Variants in FRYL observed in about 807,000 individuals in gnomAD.
FRYL encodes the protein protein furry homolog-like.
Under a neutral mutation model 351.2 loss-of-function variants are expected in FRYL, and 150 were observed. The ratio of observed to expected loss-of-function variants is 0.43; its 90% CI spans 0.37 to 0.49. The LOEUF is 0.49. Ranked by LOEUF, FRYL falls within the 20% of genes least tolerant of loss-of-function variation. The pLI is 0.00. For missense variants in FRYL, 3,036 were observed against 3,619.3 expected, an observed-to-expected ratio of 0.84 and a Z score of 4.13; for synonymous variants, 1,153 against 1,257.1, an observed-to-expected ratio of 0.92 and a Z score of 1.75.
At chr4:48,635,276 TCTCTGGTAC>T (rs1753995742) in intron 3 of FRYL, among the ~76,000 whole-genome samples, 1 of 152,142 alleles carries the variant, frequency 6.6e-6, no homozygotes, top group Non-Finnish European at 1.5e-5. Flanking sequence ...TATAAAAATC[TCTCTGGTAC>T]CTCTGGAGAA....
intron 3 of FRYL, among the ~76,000 whole-genome samples, chr4:48,659,918 G>GAGAAGA (rs1249228163): frequency 0.063 from 50 of 794 alleles, 18 homozygotes; most frequent in African/African-American, 0.086. Flanking sequence ...GAAGGAGAAG[G>GAGAAGA]AGAAGAAGAA....
intron 3 of FRYL, among the ~76,000 whole-genome samples, chr4:48,656,652 T>C (rs1759255795): frequency 6.9e-6 from 1 of 145,870 alleles, no homozygotes; most frequent in South Asian, 2.1e-4. Flanking sequence ...ATATATGCAT[T>C]ATATATAATG....
chr4:48,715,130 A>C (rs528279163), intron 1 of FRYL, among the ~76,000 whole-genome samples: 1 of 152,228 alleles, frequency 6.6e-6, no homozygotes, highest in Non-Finnish European at 1.5e-5. Flanking sequence ...TCTCAAAATA[A>C]TAAGAGCTAT....
chr4:48,671,004 A>G (rs1762567520), intron 3 of FRYL, among the ~76,000 whole-genome samples: 1 of 152,136 alleles, frequency 6.6e-6, no homozygotes, highest in African/African-American at 2.4e-5. Context: ...CTCTATTTTT[A>G]GATTTCTGAG....
chr4:48,771,644 A>G (rs916380934), intron 1 of FRYL, among the ~76,000 whole-genome samples: 4 of 152,218 alleles, frequency 2.6e-5, no homozygotes, highest in African/African-American at 9.6e-5. Context: ...TCGGCTATCC[A>G]GAAGCATCAC....
intron 1 of FRYL, among the ~76,000 whole-genome samples, chr4:48,759,340 AG>A (rs1159017071): frequency 6.6e-6 from 1 of 152,222 alleles, no homozygotes. Flanking sequence ...ACAAGGGTTA[AG>A]GTTAGCAGGT....
At chr4:48,675,348 C>T (rs899473602) in intron 3 of FRYL, among the ~76,000 whole-genome samples, 2 of 152,212 alleles carry the variant, frequency 1.3e-5, no homozygotes, top group South Asian at 2.1e-4. Flanking sequence ...GAGGGAGAGG[C>T]GCGAGCGGAA....
At chr4:48,676,823 T>C (rs539783951) in intron 3 of FRYL, among the ~76,000 whole-genome samples, 1 of 152,374 alleles carries the variant, frequency 6.6e-6, no homozygotes, top group East Asian at 1.9e-4. Context: ...CTTTATGAAG[T>C]CTAACCAAAG....
Position 48,540,954 on chromosome 4 carries a change from T to A in FRYL, c.5694A>T (p.Ser1898=). The change falls in exon 46 of 64, where the codon TCA becomes TCT. Residue 1898 remains serine (S), a synonymous_variant. Coordinates refer to ENST00000358350, the MANE Select transcript of FRYL (RefSeq NM_015030.2). The part of the protein sequence containing the change: ...YDLLSALSQT[S]YHDPIMGNKY... ...TGTTTCCCATTATAGGATCATGATATGAGGTTCTTAAAAAAAAGAAAGAAT... is the reference window on the plus strand; with the variant it reads ...TGTTTCCCATTATAGGATCATGATAAGAGGTTCTTAAAAAAAAGAAAGAAT... The A allele has an allele frequency of 5.8e-6, 9 of 1,554,974 alleles. No homozygotes were observed. Among genetic ancestry groups the A allele is most frequent in the Non-Finnish European group, 7.8e-6 (9 of 1,149,908 alleles).
intron 23 of FRYL, among the ~76,000 whole-genome samples, chr4:48,576,613 A>C (rs1313879848): frequency 6.6e-6 from 1 of 152,140 alleles, no homozygotes; most frequent in Non-Finnish European, 1.5e-5. Flanking sequence ...GCCTAATGCT[A>C]ATTAGAGAGA....
At position 48,550,801 on chromosome 4, in the gene FRYL, C is replaced by T. The variant is rs1732546838; in HGVS notation, c.4521-97G>A. The T allele has an allele frequency of 1.1e-5, 10 of 930,280 alleles. No homozygotes were observed. In the South Asian group the frequency reaches 1.1e-4, roughly 10 times the overall value. The allele number at this position is 930,280 out of a possible 1,614,324, so 57.6% of individuals were successfully genotyped here. A position where few individuals can be genotyped will look rare whatever the true frequency, so the allele number is the denominator to read the frequency against. Reference sequence around the variant, plus strand: ...TCTGTTTAAAAAAGGAGGACGGACGCCATGGTTCAAGCCTGTAATCCCAGC... The same window carrying T: ...TCTGTTTAAAAAAGGAGGACGGACGTCATGGTTCAAGCCTGTAATCCCAGC... On this transcript the variant is annotated intron_variant, in intron 37 of 63. Coordinates refer to ENST00000358350, the MANE Select transcript of FRYL (RefSeq NM_015030.2).
At chr4:48,659,371 A>C in intron 3 of FRYL, among the ~76,000 whole-genome samples, 1 of 10,134 alleles carries the variant, frequency 9.9e-5, no homozygotes, top group African/African-American at 1.6e-4. Context: ...AAAAAAAGAG[A>C]GAGAAGAAGA....
At chr4:48,546,425 G>A (rs10938535) in intron 41 of FRYL, 154 bp from the exon 42 acceptor site, 629,827 of 633,256 alleles carry the variant, frequency 0.99, 313,279 homozygotes, top group East Asian at 1. Context: ...TGATCCTCAT[G>A]AACACCAAAT....
chr4:48,651,743 T>C (rs1046650762), intron 3 of FRYL, among the ~76,000 whole-genome samples: 3 of 152,214 alleles, frequency 2.0e-5, no homozygotes, highest in African/African-American at 7.2e-5. Flanking sequence ...CTACTATCCT[T>C]TTCTATGGTC....
At position 48,556,989 on chromosome 4, in the gene FRYL, G is replaced by A. The variant is rs1433369377; in HGVS notation, c.4255C>T (p.Leu1419Phe). 13 of 1,592,494 alleles carry A rather than the reference G, an allele frequency of 8.2e-6. No individual in the cohort carries two copies. The highest frequency in any genetic ancestry group is 1.1e-5 in the Non-Finnish European group (13 of 1,167,124). Residue 1419 changes from leucine (L) to phenylalanine (F), a missense_variant, in exon 35 of 64, where the codon CTC (leucine) becomes TTC (phenylalanine). Leu to Phe is a conservative substitution (Grantham distance 22, BLOSUM62 0). Transcript: ENST00000358350. ...ACTTGAATACATACGTAAGGCAAGAGGCTTGGTTCGCTATTCACCCCACAA... is the reference window on the plus strand; with the variant it reads ...ACTTGAATACATACGTAAGGCAAGAAGCTTGGTTCGCTATTCACCCCACAA... ...SICGVNSEPS[L>F]LPYVKKVIVY...
intron 28 of FRYL, among the ~76,000 whole-genome samples, chr4:48,566,884 A>G (rs1280214893): frequency 2.6e-5 from 4 of 152,202 alleles, no homozygotes; most frequent in Non-Finnish European, 5.9e-5. Context: ...TTTATGGCCT[A>G]TACTCTTTTC....
chr4:48,760,401 C>A (rs1285752057), intron 1 of FRYL, among the ~76,000 whole-genome samples: 1 of 152,166 alleles, frequency 6.6e-6, no homozygotes, highest in African/African-American at 2.4e-5. Context: ...GCTGAATTCA[C>A]TTACTTGTTC....
At chr4:48,516,924 A>G (rs1204936970) in intron 55 of FRYL, among the ~76,000 whole-genome samples, 6 of 152,138 alleles carry the variant, frequency 3.9e-5, no homozygotes, top group African/African-American at 1.2e-4. Context: ...TTTGACAAAC[A>G]TGAGGTAGGG....
At chr4:48,684,928 A>G (rs1047027380) in intron 2 of FRYL, 133 bp from the exon 3 acceptor site, 1 of 152,204 alleles carries the variant, frequency 6.6e-6, no homozygotes, top group African/African-American at 2.4e-5. Flanking sequence ...TCCTCTTTCA[A>G]TAATGTTACA....
Sources: gnomAD v4.1 joint callset for allele counts (sites outside exome capture counted in the v4.1 genomes callset) on GRCh38, gnomAD v4.1.1 for gene constraint, MANE v1.5 for transcripts, NCBI Gene and HGNC (gene_info 2026-07-23, HGNC 2026-07-21) for gene names.